The following AGAP1 variants were observed in gnomAD, a reference collection of about 807,000 sequenced individuals.
AGAP1 encodes ArfGAP with GTPase domain, ankyrin repeat and PH domain 1.
Under a neutral mutation model 105.3 loss-of-function variants are expected in AGAP1, and 29 were observed. The observed-to-expected ratio is 0.28, with a 90% CI of 0.21 to 0.38. The LOEUF is 0.38. AGAP1 is among the 10% of genes least tolerant of loss of function. The pLI, the probability that AGAP1 is intolerant of heterozygous loss-of-function variation, is 1.00. For missense variants in AGAP1, 998 were observed against 1,165.1 expected, an observed-to-expected ratio of 0.86 and a Z score of 2.09; for synonymous variants, 509 against 485.9, an observed-to-expected ratio of 1.05 and a Z score of -0.63.
rs2049815992 is a variant in AGAP1 at position 235,877,767 on chromosome 2, A to T, written c.1051-5578A>T. 6.6e-6 allele frequency among the ~76,000 whole-genome samples: 1 copy of T among 152,222 alleles called. No individual in the cohort carries two copies. Among genetic ancestry groups the T allele is most frequent in the South Asian group, 2.1e-4 (1 of 4,832 alleles). On this transcript the variant is annotated intron_variant, in intron 9 of 17. Coordinates refer to ENST00000304032, the MANE Select transcript of AGAP1 (RefSeq NM_001037131.3). The surrounding 1 kb of genome is among the most constrained non-coding windows in gnomAD (Gnocchi z 4.3). ...TTTCCCTTGCATCTCAAATTTGCTC[A>T]GACCGTCTGGGGATCTTGTTACATT...
chr2:236,085,913 G>A (rs1315114262), intron 16 of AGAP1, among the ~76,000 whole-genome samples: 1 of 152,252 alleles, frequency 6.6e-6, no homozygotes, highest in Non-Finnish European at 1.5e-5. Context: ...CGTCCAGGCC[G>A]TGGGTTCATC....
intron 10 of AGAP1, among the ~76,000 whole-genome samples, chr2:235,896,807 T>G (rs1015392902): frequency 6.6e-6 from 1 of 152,166 alleles, no homozygotes; most frequent in East Asian, 1.9e-4. Flanking sequence ...AGTGACAACT[T>G]TTGTTGGAAA....
intron 16 of AGAP1, among the ~76,000 whole-genome samples, chr2:236,072,950 C>A (rs978397342): frequency 6.6e-6 from 1 of 151,450 alleles, no homozygotes; most frequent in African/African-American, 2.4e-5. Flanking sequence ...TGTAACATGT[C>A]AATTCAGCAT....
At position 235,950,937 on chromosome 2, in the gene AGAP1, T is replaced by C. The variant is rs2053711139; in HGVS notation, c.1484-17525T>C. 4.3e-5 allele frequency among the ~76,000 whole-genome samples: 6 copies of C among 139,384 alleles called. No individual in the cohort carries two copies. The Admixed American group carries it at 4.7e-4, about 11-fold the overall frequency. 91.4% of individuals were successfully genotyped at this position (139,384 alleles called of 152,430 possible). A position where few individuals can be genotyped will look rare whatever the true frequency, so the allele number is the denominator to read the frequency against. On this transcript the variant is annotated intron_variant, in intron 12 of 17. Transcript: ENST00000304032. ...TTTTTTTTGGCTGGACAGCCCAAAT[T>C]CCAAGACACTAGTAAAAATAATATG...
At chr2:235,950,059 A>G (rs1181186896) in intron 12 of AGAP1, among the ~76,000 whole-genome samples, 4 of 152,134 alleles carry the variant, frequency 2.6e-5, no homozygotes, top group Non-Finnish European at 5.9e-5. Flanking sequence ...ATGCTTGGGC[A>G]CAGAGAGTGA....
At chr2:235,841,937 C>G (rs767565430) in intron 9 of AGAP1, among the ~76,000 whole-genome samples, 2 of 152,208 alleles carry the variant, frequency 1.3e-5, no homozygotes, top group African/African-American at 2.4e-5. Flanking sequence ...CTTCCCTACA[C>G]GCTCATTAGT....
At position 235,882,470 on chromosome 2, in the gene AGAP1, C is replaced by G. The variant is rs566280581; in HGVS notation, c.1051-875C>G. 1 of 1,572,530 alleles carries G rather than the reference C, an allele frequency of 6.4e-7. No homozygotes were observed. The highest frequency in any genetic ancestry group is 8.7e-7 in the Non-Finnish European group (1 of 1,146,822). The stretch of plus-strand genomic sequence containing the variant: ...TGGCCCTATTGAAGCTGGCGATTCC[C>G]CCCACGTCTGGTTTGTCTGCCATTT... On this transcript the variant is annotated intron_variant, in intron 9 of 17. Transcript: ENST00000304032. This position sits in a 1 kb window ranked among gnomAD's most constrained non-coding sequence, Gnocchi z 4.6.
At chr2:235,815,087 C>T (rs971914093) in intron 9 of AGAP1, among the ~76,000 whole-genome samples, 2 of 152,144 alleles carry the variant, frequency 1.3e-5, no homozygotes, top group African/African-American at 4.8e-5. Flanking sequence ...CTGCTGTCCC[C>T]CTTACCTAGG....
rs377170250 is a variant in AGAP1, at chr2:235,771,997, A to ACTTT, written c.673+21509_673+21510insCTTT. Among the ~76,000 whole-genome samples the ACTTT allele has an allele frequency of 1.3e-3, 166 of 131,610 alleles. 1 individual carries two copies. The highest frequency in any genetic ancestry group is 1.7e-3 in the East Asian group (8 of 4,616). The allele number at this position is 131,610 out of a possible 152,430, so 86.3% of individuals were successfully genotyped here. On this transcript the variant is annotated intron_variant, in intron 6 of 17. Coordinates refer to ENST00000304032, the MANE Select transcript of AGAP1 (RefSeq NM_001037131.3). Reference sequence around the variant, plus strand: ...TGTTTCTTTTTTTTTTTCTTTTCTTATCTTTTTTTTTTTTTTGAGTTGGAG... The same window carrying ACTTT: ...TGTTTCTTTTTTTTTTTCTTTTCTTACTTTTCTTTTTTTTTTTTTTGAGTTGGAG...
intron 13 of AGAP1, among the ~76,000 whole-genome samples, chr2:236,025,805 G>A (rs1025086909): frequency 1.3e-5 from 2 of 151,834 alleles, no homozygotes; most frequent in African/African-American, 4.8e-5. Context: ...AGGAGGCTGA[G>A]GCAGGAGAAT....
rs1559552239 is a variant in AGAP1, at chr2:235,842,738, G to T, written c.1050+35407G>T. On this transcript the variant is annotated intron_variant, in intron 9 of 17. Coordinates refer to ENST00000304032, the MANE Select transcript of AGAP1 (RefSeq NM_001037131.3). The surrounding 1 kb of genome is among the most constrained non-coding windows in gnomAD (Gnocchi z 5.3). ...AGGTTTGTTTTTTTTGTTTTGTTTT[G>T]TTTTTTTGAGATGGAGTCTCACTCT... Among the ~76,000 whole-genome samples, 1 of 151,736 alleles carries T rather than the reference G, an allele frequency of 6.6e-6. No individual in the cohort carries two copies. The highest frequency in any genetic ancestry group is 2.4e-5 in the African/African-American group (1 of 41,278).
chr2:235,661,585 C>T (rs1048829873), intron 1 of AGAP1, among the ~76,000 whole-genome samples: 2 of 152,028 alleles, frequency 1.3e-5, no homozygotes, highest in Non-Finnish European at 2.9e-5. Flanking sequence ...GCATCTGCAG[C>T]GGGACTTGGT....
In AGAP1 at chr2:235,690,055, C is replaced by T. The variant is rs1011752711; in HGVS notation, c.164-19124C>T. Among the ~76,000 whole-genome samples, 1 of 152,028 alleles carries T rather than the reference C, an allele frequency of 6.6e-6. No homozygotes were observed. The highest frequency in any genetic ancestry group is 1.5e-5 in the Non-Finnish European group (1 of 68,010). On this transcript the variant is annotated intron_variant, in intron 1 of 17. Coordinates refer to ENST00000304032, the MANE Select transcript of AGAP1 (RefSeq NM_001037131.3). This position sits in a 1 kb window ranked among gnomAD's most constrained non-coding sequence, Gnocchi z 4.1. ...GCAAAGGTGACTGGGAGTTCTAAGC[C>T]CCTGGGTGTCTCTCCCTCGGGGTTT...
chr2:235,577,865 C>A lies in AGAP1; in HGVS notation c.163+83016C>A, dbSNP rs894960860. ...GTCTGCTCGCTGGGACCTGATAGTTCGCCTTTGTACGGATGAAAAAAACCA... is the reference window on the plus strand; with the variant it reads ...GTCTGCTCGCTGGGACCTGATAGTTAGCCTTTGTACGGATGAAAAAAACCA... On this transcript the variant is annotated intron_variant, in intron 1 of 17. Coordinates refer to ENST00000304032, the MANE Select transcript of AGAP1 (RefSeq NM_001037131.3). This position sits in a 1 kb window ranked among gnomAD's most constrained non-coding sequence, Gnocchi z 4.5. Among the ~76,000 whole-genome samples the A allele has an allele frequency of 6.6e-6, 1 of 151,914 alleles. No individual in the cohort carries two copies. Among genetic ancestry groups the A allele is most frequent in the Non-Finnish European group, 1.5e-5 (1 of 68,008 alleles).
Position 236,101,422 on chromosome 2 carries a change from G to A in AGAP1, c.2115-18770G>A, listed in dbSNP as rs116382462. ...AATGTGTCGCCGTGTCATAGCCTGCGACCTTCTCTTTCTCAGGTTTGACAG... is the reference window on the plus strand; with the variant it reads ...AATGTGTCGCCGTGTCATAGCCTGCAACCTTCTCTTTCTCAGGTTTGACAG... On this transcript the variant is annotated intron_variant, in intron 16 of 17. Coordinates refer to ENST00000304032, the MANE Select transcript of AGAP1 (RefSeq NM_001037131.3). The surrounding 1 kb of genome is among the most constrained non-coding windows in gnomAD (Gnocchi z 4.9). Among the ~76,000 whole-genome samples the A allele has an allele frequency of 2.4e-4, 37 of 152,246 alleles. No individual in the cohort carries two copies. Among genetic ancestry groups the A allele is most frequent in the Middle Eastern group, 3.4e-3 (1 of 294 alleles).
At chr2:235,540,055 G>A (rs1430844390) in intron 1 of AGAP1, among the ~76,000 whole-genome samples, 1 of 152,074 alleles carries the variant, frequency 6.6e-6, no homozygotes, top group East Asian at 1.9e-4. Flanking sequence ...GGGGTAGGCA[G>A]GATGGACAGA....
At chr2:236,010,711 T>C (rs1173943852) in intron 13 of AGAP1, among the ~76,000 whole-genome samples, 1 of 152,220 alleles carries the variant, frequency 6.6e-6, no homozygotes, top group Non-Finnish European at 1.5e-5. Context: ...ACGCCTTCGG[T>C]GTTCCTCAAC....
chr2:235,528,217 A>T (rs1475013545), intron 1 of AGAP1, among the ~76,000 whole-genome samples: 1 of 148,488 alleles, frequency 6.7e-6, no homozygotes, highest in African/African-American at 2.5e-5. Context: ...TCCCCCCCAC[A>T]TTCAGGACTT....
At chr2:235,529,262 G>A (rs1942963292) in intron 1 of AGAP1, among the ~76,000 whole-genome samples, 1 of 152,220 alleles carries the variant, frequency 6.6e-6, no homozygotes, top group South Asian at 2.1e-4. Flanking sequence ...TACAGTATAT[G>A]CTGGAGGCTA....
Sources: allele counts gnomAD v4.1 joint callset (sites outside exome capture counted in the v4.1 genomes callset), GRCh38; gene constraint gnomAD v4.1.1; non-coding constraint Gnocchi (gnomAD v3.1); transcripts MANE v1.5; gene names NCBI Gene and HGNC (gene_info 2026-07-23, HGNC 2026-07-21).